Variants in CAMTA1 observed in about 807,000 individuals in gnomAD.
CAMTA1 encodes the protein calmodulin-binding transcription activator 1.
CAMTA1 carries 27 observed loss-of-function variants against 170.9 expected under a neutral mutation model. That is an observed-to-expected ratio of 0.16 (90% CI 0.12 to 0.22). CAMTA1 has a LOEUF of 0.22. Ranked by LOEUF, CAMTA1 falls within the 10% of genes least tolerant of loss-of-function variation. The pLI, the probability that CAMTA1 is intolerant of heterozygous loss-of-function variation, is 1.00. For missense variants in CAMTA1, 1,619 were observed against 2,217.2 expected (o/e 0.73, Z 5.42); for synonymous variants, 833 against 891.5 (o/e 0.93, Z 1.17).
chr1:7,709,442 T>TCCAAATGATTTCCCG (rs56687598), intron 11 of CAMTA1, among the ~76,000 whole-genome samples: 2,644 of 152,288 alleles, frequency 0.017, 66 homozygotes, highest in African/African-American at 0.061. Context: ...AGGCACAAAC[T>TCCAAATGATTTCCCG]CCAAATGATT....
At chr1:6,990,690 C>T (rs1415591287) in intron 3 of CAMTA1, among the ~76,000 whole-genome samples, 2 of 152,062 alleles carry the variant, frequency 1.3e-5, no homozygotes, top group Non-Finnish European at 2.9e-5. Flanking sequence ...TCTCCTACCC[C>T]CAGGCAACCA....
chr1:7,089,583 C>T (rs1173798070), intron 3 of CAMTA1, among the ~76,000 whole-genome samples: 1 of 132,706 alleles, frequency 7.5e-6, no homozygotes, highest in Non-Finnish European at 1.6e-5. Context: ...CCCATCCCAT[C>T]CCATCCATCC....
chr1:7,731,705 C>CAAAACA (rs1017591349), intron 11 of CAMTA1, among the ~76,000 whole-genome samples: 1 of 152,004 alleles, frequency 6.6e-6, no homozygotes, highest in Non-Finnish European at 1.5e-5. Context: ...TCCATCTCTA[C>CAAAACA]AAAACAAAAA....
chr1:7,531,143 T>C (rs1014844727), intron 6 of CAMTA1, among the ~76,000 whole-genome samples: 3 of 148,388 alleles, frequency 2.0e-5, no homozygotes, highest in African/African-American at 7.5e-5. Flanking sequence ...GCTCAATAAA[T>C]GTTAAGATGA....
Position 7,127,677 on chromosome 1 carries a change from A to G in CAMTA1, c.302+36306A>G, listed in dbSNP as rs1645014414. On this transcript the variant is annotated intron_variant, in intron 4 of 22. Coordinates refer to ENST00000303635, the MANE Select transcript of CAMTA1 (RefSeq NM_015215.4). ...TGTCCATAGGAAGCTTAGAATGTAG[A>G]AGGGGACAGATGTTAACAAACAGTT... Among the ~76,000 whole-genome samples the G allele has an allele frequency of 3.3e-5, 5 of 152,188 alleles. 1 individual carries two copies. The South Asian group carries it at 1.0e-3, about 31-fold the overall frequency.
At chr1:7,436,735 GTCTCTTATTA>G (rs1557710462) in intron 5 of CAMTA1, among the ~76,000 whole-genome samples, 1 of 152,164 alleles carries the variant, frequency 6.6e-6, no homozygotes, top group Non-Finnish European at 1.5e-5. Flanking sequence ...TTTAGTTTCT[GTCTCTTATTA>G]ACTTGTAGTC....
rs55820697 is a variant in CAMTA1, at chr1:6,895,853, C to T, written c.234+70643C>T. ...TGTCATGTGGCAGTGTGGTTTTTTT[C>T]GTAGCATTTATTACTGTCTGAAATT... On this transcript the variant is annotated intron_variant, in intron 3 of 22. Transcript: ENST00000303635. Among the ~76,000 whole-genome samples, 34 of 152,134 alleles carry T rather than the reference C, an allele frequency of 2.2e-4. No individual in the cohort carries two copies. In the East Asian group the frequency reaches 5.4e-3, roughly 24 times the overall value.
intron 1 of CAMTA1, among the ~76,000 whole-genome samples, chr1:6,817,443 G>A (rs1171972083): frequency 6.6e-6 from 1 of 152,164 alleles, no homozygotes; most frequent in Non-Finnish European, 1.5e-5. Context: ...AGAAGTCAGC[G>A]TGCTGCTGAC....
At position 7,744,297 on chromosome 1, in the gene CAMTA1, A is replaced by G. The variant is rs190998502; in HGVS notation, c.4183-538A>G. 5.0e-3 allele frequency among the ~76,000 whole-genome samples: 752 copies of G among 151,426 alleles called. 8 individuals are homozygous for G. The highest frequency in any genetic ancestry group is 7.9e-3 in the Non-Finnish European group (537 of 67,918). On this transcript the variant is annotated intron_variant, in intron 16 of 22. Transcript: ENST00000303635. ...TAGGCAAGCACCACCATACCTGGCT[A>G]ATTTTTGTATTTTTAGTAGGGACAG...
At chr1:7,453,010 G>A (rs2092865774) in intron 5 of CAMTA1, among the ~76,000 whole-genome samples, 1 of 152,236 alleles carries the variant, frequency 6.6e-6, no homozygotes, top group Non-Finnish European at 1.5e-5. Flanking sequence ...AGGAAACACA[G>A]ATGAAATAAG....
At chr1:6,858,723 C>T (rs879878229) in intron 3 of CAMTA1, among the ~76,000 whole-genome samples, 16 of 152,040 alleles carry the variant, frequency 1.1e-4, no homozygotes, top group Admixed American at 2.0e-4. Flanking sequence ...TTTATGCATG[C>T]GTGAAGAAGA....
At chr1:7,548,459 C>A (rs964857029) in intron 6 of CAMTA1, among the ~76,000 whole-genome samples, 3 of 130,372 alleles carry the variant, frequency 2.3e-5, no homozygotes, top group African/African-American at 8.7e-5. Flanking sequence ...TGGAGGGTGC[C>A]CCCTTAGGAG....
chr1:7,691,762 A>G (rs979534093), intron 11 of CAMTA1, among the ~76,000 whole-genome samples: 1 of 152,032 alleles, frequency 6.6e-6, no homozygotes, highest in Non-Finnish European at 1.5e-5. Context: ...GAGAGAGAGA[A>G]AGAGAAGTCT....
chr1:7,351,967 T>G (rs2084710582), intron 5 of CAMTA1, among the ~76,000 whole-genome samples: 1 of 152,132 alleles, frequency 6.6e-6, no homozygotes, highest in African/African-American at 2.4e-5. Context: ...TGCTGCCACT[T>G]TTAATATGCC....
At chr1:7,667,513 C>T (rs1345905066) in intron 9 of CAMTA1, among the ~76,000 whole-genome samples, 1 of 152,108 alleles carries the variant, frequency 6.6e-6, no homozygotes, top group Admixed American at 6.5e-5. Flanking sequence ...CACTTAGAGG[C>T]GCCCTGGAGC....
chr1:6,954,431 G>T (rs1337102029), intron 3 of CAMTA1, among the ~76,000 whole-genome samples: 1 of 152,144 alleles, frequency 6.6e-6, no homozygotes, highest in Non-Finnish European at 1.5e-5. Context: ...TATCCCCTTT[G>T]TCCCACGAGT....
chr1:6,902,001 C>T lies in CAMTA1; in HGVS notation c.234+76791C>T, dbSNP rs548711256. ...TGGAGGTTGCAGTGAGCAGAGATCA[C>T]GCCACTGCACTTCAGCCCGAATGAC... On this transcript the variant is annotated intron_variant, in intron 3 of 22. Transcript: ENST00000303635. Among the ~76,000 whole-genome samples, 10 of 148,952 alleles carry T rather than the reference C, an allele frequency of 6.7e-5. No homozygotes were observed. In the South Asian group the frequency reaches 8.5e-4, roughly 13 times the overall value.
intron 3 of CAMTA1, among the ~76,000 whole-genome samples, chr1:6,880,587 A>T (rs1671288012): frequency 6.6e-6 from 1 of 151,922 alleles, no homozygotes. Flanking sequence ...ACAGGGTTTC[A>T]CTGTATTGTC....
At chr1:7,603,086 G>A (rs1264243803) in intron 6 of CAMTA1, among the ~76,000 whole-genome samples, 4 of 152,190 alleles carry the variant, frequency 2.6e-5, no homozygotes, top group Non-Finnish European at 4.4e-5. Context: ...ATTTGCTGAG[G>A]AGTGCTTTAC....
Sources: gnomAD v4.1 joint callset for allele counts (sites outside exome capture counted in the v4.1 genomes callset) on GRCh38, gnomAD v4.1.1 for gene constraint, MANE v1.5 for transcripts, NCBI Gene and HGNC (gene_info 2026-07-23, HGNC 2026-07-21) for gene names.